Variants in OR2T11 observed in about 807,000 individuals in gnomAD.
OR2T11 encodes olfactory receptor 2T11.
A neutral mutation model predicts 13.5 loss-of-function variants in OR2T11; 14 were observed. That is an observed-to-expected ratio of 1.04 (90% CI 0.69 to 1.62). The LOEUF is 1.62. Among genes scored for constraint, OR2T11 ranks in the 40% most tolerant of loss-of-function variants. The pLI is 0.00. For missense variants in OR2T11, 410 were observed against 389.7 expected, an observed-to-expected ratio of 1.05 and a Z score of -0.44; for synonymous variants, 163 against 154.6, an observed-to-expected ratio of 1.05 and a Z score of -0.40.
chr1:248,633,866 T>G (rs528060208), intron 1 of OR2T11, among the ~76,000 whole-genome samples: 1 of 144,138 alleles, frequency 6.9e-6, no homozygotes, highest in South Asian at 2.2e-4. Flanking sequence ...TCCTGTTTGC[T>G]TCAAAGAAGG....
At chr1:248,631,025 A>G (rs1284614414) in intron 1 of OR2T11, among the ~76,000 whole-genome samples, 1 of 142,486 alleles carries the variant, frequency 7.0e-6, no homozygotes, top group Non-Finnish European at 1.5e-5. Flanking sequence ...CAAGCCAAGG[A>G]ATGTAGATGG....
chr1:248,634,058 CTT>C (rs1322259117), intron 1 of OR2T11, among the ~76,000 whole-genome samples: 2 of 140,076 alleles, frequency 1.4e-5, no homozygotes, highest in Non-Finnish European at 3.1e-5. Flanking sequence ...AAAAGTCTAA[CTT>C]TGTTAATCTT....
rs1342450721 is a variant in OR2T11 at position 248,625,588 on chromosome 1, TC to T, written c.*589del. 1.4e-5 allele frequency: 2 copies of T among 145,006 alleles called. No individual in the cohort carries two copies. Among genetic ancestry groups the T allele is most frequent in the East Asian group, 4.0e-4 (2 of 5,000 alleles). The allele number at this position is 145,006 out of a possible 1,614,324, so 9.0% of individuals were successfully genotyped here. A position where few individuals can be genotyped will look rare whatever the true frequency, so the allele number is the denominator to read the frequency against. On this transcript the variant is annotated 3_prime_UTR_variant, in exon 2 of 2. Transcript: ENST00000641193. ...ATGCTGAACCTCCACCCATTCATAC[TC>T]AGTTCTGTTCAATTCACCACCATTT...
intron 1 of OR2T11, among the ~76,000 whole-genome samples, chr1:248,632,281 ATT>A (rs201636061): frequency 7.0e-6 from 1 of 143,186 alleles, no homozygotes; most frequent in African/African-American, 2.7e-5. Flanking sequence ...AATTATGATA[ATT>A]TTTTTCAACA....
rs1453866039 is a variant in OR2T11, at chr1:248,624,036, T to TA, written c.*2141dup. 1.4e-5 allele frequency: 2 copies of TA among 141,564 alleles called. 1 individual carries two copies. The highest frequency in any genetic ancestry group is 5.6e-5 in the African/African-American group (2 of 35,568). The allele number at this position is 141,564 out of a possible 1,614,324, so 8.8% of individuals were successfully genotyped here. On this transcript the variant is annotated 3_prime_UTR_variant, in exon 2 of 2. Coordinates refer to ENST00000641193, the MANE Select transcript of OR2T11 (RefSeq NM_001001964.2). ...AAACCATCGGAAGGGATCTTAGTTATAACACACGCTCTGCCTGACCTCCTG... is the reference window on the plus strand; with the variant it reads ...AAACCATCGGAAGGGATCTTAGTTATAAACACACGCTCTGCCTGACCTCCTG...
chr1:248,634,910 G>A lies in OR2T11; in HGVS notation c.-145+128C>T, dbSNP rs538182353. ...GATATCTTCCTGAGCATTGAATAAA[G>A]CAGTTAATAAGGTATGTAATAAGTA... is the stretch of plus-strand genomic sequence containing the variant. On this transcript the variant is annotated intron_variant, in intron 1 of 1. Coordinates refer to ENST00000641193, the MANE Select transcript of OR2T11 (RefSeq NM_001001964.2). 9.0e-5 allele frequency: 13 copies of A among 144,990 alleles called. 1 individual carries two copies. The East Asian group carries it at 2.6e-3, about 29-fold the overall frequency. 9.0% of individuals were successfully genotyped at this position (144,990 alleles called of 1,614,324 possible). A position where few individuals can be genotyped will look rare whatever the true frequency, so the allele number is the denominator to read the frequency against.
rs1660544578 is a variant in OR2T11 at position 248,627,658 on chromosome 1, A to C, written c.-144-386T>G. On this transcript the variant is annotated intron_variant, in intron 1 of 1. Coordinates refer to ENST00000641193, the MANE Select transcript of OR2T11 (RefSeq NM_001001964.2). ...CATGTTTCTGTTCTATTTCTTTTTAATTATTTGTATAAGTTTAAGGACGAC... is the reference window on the plus strand; with the variant it reads ...CATGTTTCTGTTCTATTTCTTTTTACTTATTTGTATAAGTTTAAGGACGAC... Among the ~76,000 whole-genome samples, 2 of 143,450 alleles carry C rather than the reference A, an allele frequency of 1.4e-5. 1 individual carries two copies. Among genetic ancestry groups the C allele is most frequent in the African/African-American group, 5.5e-5 (2 of 36,416 alleles). 94.1% of individuals were successfully genotyped at this position (143,450 alleles called of 152,430 possible).
At chr1:248,632,350 T>A (rs1572103868) in intron 1 of OR2T11, among the ~76,000 whole-genome samples, 3 of 139,904 alleles carry the variant, frequency 2.1e-5, no homozygotes, top group African/African-American at 8.6e-5. Context: ...ATGGACAGAT[T>A]TTTTTAAAAG....
At chr1:248,632,263 A>G (rs1308580613) in intron 1 of OR2T11, among the ~76,000 whole-genome samples, 3 of 143,768 alleles carry the variant, frequency 2.1e-5, no homozygotes, top group Admixed American at 6.8e-5. Context: ...TTATGAAACA[A>G]TGAGTTAAAT....
At chr1:248,628,079 A>C (rs1660548492) in intron 1 of OR2T11, among the ~76,000 whole-genome samples, 1 of 143,378 alleles carries the variant, frequency 7.0e-6, no homozygotes, top group Non-Finnish European at 1.5e-5. Flanking sequence ...GGTAGGTTGA[A>C]GCTATGTCAG....
Position 248,634,387 on chromosome 1 carries a change from G to C in OR2T11, c.-145+651C>G, listed in dbSNP as rs1208510375. Reference sequence around the variant, plus strand: ...TCTTAGCTAGTTGTATAAACCAAAGGAATGTAGTCAAAGCAAACCAAGTAT... The same window carrying C: ...TCTTAGCTAGTTGTATAAACCAAAGCAATGTAGTCAAAGCAAACCAAGTAT... On this transcript the variant is annotated intron_variant, in intron 1 of 1. Coordinates refer to ENST00000641193, the MANE Select transcript of OR2T11 (RefSeq NM_001001964.2). Among the ~76,000 whole-genome samples the C allele has an allele frequency of 2.8e-5, 4 of 141,804 alleles. 1 individual carries two copies. Among genetic ancestry groups the C allele is most frequent in the Non-Finnish European group, 6.0e-5 (4 of 66,152 alleles). The allele number at this position is 141,804 out of a possible 152,430, so 93.0% of individuals were successfully genotyped here. A position where few individuals can be genotyped will look rare whatever the true frequency, so the allele number is the denominator to read the frequency against.
chr1:248,633,826 C>A (rs563764732), intron 1 of OR2T11, among the ~76,000 whole-genome samples: 1 of 143,764 alleles, frequency 7.0e-6, no homozygotes, highest in African/African-American at 2.7e-5. Flanking sequence ...CTGCTTCCAC[C>A]CTTGAGAAAT....
Position 248,626,159 on chromosome 1 carries a change from T to C in OR2T11, c.*19A>G, listed in dbSNP as rs751014918. 2 of 1,337,910 alleles carry C rather than the reference T, an allele frequency of 1.5e-6. No homozygotes were observed. Among genetic ancestry groups the C allele is most frequent in the Admixed American group, 3.5e-5 (2 of 57,154 alleles). The allele number at this position is 1,337,910 out of a possible 1,614,324, so 82.9% of individuals were successfully genotyped here. On this transcript the variant is annotated 3_prime_UTR_variant, in exon 2 of 2. Transcript: ENST00000641193. Reference sequence around the variant, plus strand: ...TGGAGGAAGTCCTTAGGAAGCCTTATCCTCTGGGCAGTGACTCTCTAAGCA... The same window carrying C: ...TGGAGGAAGTCCTTAGGAAGCCTTACCCTCTGGGCAGTGACTCTCTAAGCA...
At position 248,626,511 on chromosome 1, in the gene OR2T11, G is replaced by T; in HGVS notation, c.618C>A (p.Ile206=). 3 of 1,570,450 alleles carry T rather than the reference G, an allele frequency of 1.9e-6. No homozygotes were observed. The highest frequency in any genetic ancestry group is 1.5e-5 in the African/African-American group (1 of 66,942). ...MYICCVLMLL[I]PISIISTSYS... ...AGGAAGTGGAGATGATAGAGATGGG[G>T]ATGAGCAACATGAGGACACAGCAGA... Residue 206 remains isoleucine (I), a synonymous_variant, in exon 2 of 2, where the codon ATC becomes ATA. Transcript: ENST00000641193.
Position 248,626,420 on chromosome 1 carries a change from T to A in OR2T11, c.709A>T (p.Thr237Ser), listed in dbSNP as rs1558171915. 1 of 1,571,388 alleles carries A rather than the reference T, an allele frequency of 6.4e-7. No homozygotes were observed. Among genetic ancestry groups the A allele is most frequent in the East Asian group, 2.3e-5 (1 of 43,618 alleles). Residue 237 changes from threonine (T) to serine (S), a missense_variant, in exon 2 of 2, where the codon ACT becomes TCT. Physicochemically the swap from Thr to Ser is moderately conservative, Grantham distance 58. Coordinates refer to ENST00000641193, the MANE Select transcript of OR2T11 (RefSeq NM_001001964.2). ...SAEGRKKAFT[T>S]CSSHLTVVSI... ...ACTACAGTCAAGTGGGAGGAACAAG[T>A]GGTGAAGGCCTTTTTGCGACCTTCA...
rs1405722355 is a variant in OR2T11, at chr1:248,626,999, A to AT, written c.129dup (p.Phe44IlefsTer42). 1 of 1,570,766 alleles carries AT rather than the reference A, an allele frequency of 6.4e-7. No homozygotes were observed. The highest frequency in any genetic ancestry group is 1.5e-5 in the African/African-American group (1 of 66,518). ...AGGCGAGAGTCCACCTGAATCAAGA[A>AT]TATCATGACCAAATTTGCAGTCACG... is the stretch of plus-strand genomic sequence containing the variant. On this transcript the variant is annotated frameshift_variant, in exon 2 of 2. Transcript: ENST00000641193. LOFTEE classifies it high-confidence loss of function.
chr1:248,628,810 T>C (rs567688153), intron 1 of OR2T11, among the ~76,000 whole-genome samples: 1 of 143,092 alleles, frequency 7.0e-6, no homozygotes, highest in East Asian at 2.0e-4. Flanking sequence ...TGAAAGGGGC[T>C]AAGGACTGTG....
At position 248,633,424 on chromosome 1, in the gene OR2T11, G is replaced by A. The variant is rs1376283160; in HGVS notation, c.-145+1614C>T. 5.6e-5 allele frequency among the ~76,000 whole-genome samples: 8 copies of A among 142,584 alleles called. 2 individuals are homozygous for A. Among genetic ancestry groups the A allele is most frequent in the African/African-American group, 2.2e-4 (8 of 35,996 alleles). The allele number at this position is 142,584 out of a possible 152,430, so 93.5% of individuals were successfully genotyped here. ...CATACACAGCATGTATTATAATCTT[G>A]TTCTTAGAAATAATCAAAAAAGGTA... is the stretch of plus-strand genomic sequence containing the variant. On this transcript the variant is annotated intron_variant, in intron 1 of 1. Coordinates refer to ENST00000641193, the MANE Select transcript of OR2T11 (RefSeq NM_001001964.2).
rs1265728754 is a variant in OR2T11, at chr1:248,628,221, C to T, written c.-144-949G>A. Reference sequence around the variant, plus strand: ...TGGAAATGTGACAGCAACAGGCCACCGTTTAAGAAGGAATTTTATCTTTAA... The same window carrying T: ...TGGAAATGTGACAGCAACAGGCCACTGTTTAAGAAGGAATTTTATCTTTAA... On this transcript the variant is annotated intron_variant, in intron 1 of 1. Coordinates refer to ENST00000641193, the MANE Select transcript of OR2T11 (RefSeq NM_001001964.2). Among the ~76,000 whole-genome samples the T allele has an allele frequency of 1.4e-5, 2 of 142,998 alleles. 1 individual carries two copies. The highest frequency in any genetic ancestry group is 3.0e-5 in the Non-Finnish European group (2 of 66,194). 93.8% of individuals were successfully genotyped at this position (142,998 alleles called of 152,430 possible).
Sources: allele counts gnomAD v4.1 joint callset (sites outside exome capture counted in the v4.1 genomes callset), GRCh38; gene constraint gnomAD v4.1.1; transcripts MANE v1.5; gene names NCBI Gene and HGNC (gene_info 2026-07-23, HGNC 2026-07-21).